Variants in IGF2R observed in about 807,000 individuals in gnomAD.
IGF2R encodes the protein cation-independent mannose-6-phosphate receptor.
IGF2R carries 91 observed loss-of-function variants against 270.6 expected under a neutral mutation model. That is an observed-to-expected ratio of 0.34 (90% confidence interval 0.28 to 0.40). IGF2R has a LOEUF of 0.40. IGF2R is among the 10% of genes least tolerant of loss of function. IGF2R has a pLI of 1.00. For missense variants in IGF2R, 2,805 were observed against 3,188.3 expected (o/e 0.88, Z 2.90); for synonymous variants, 1,316 against 1,258.9 (o/e 1.05, Z -0.96).
intron 10 of IGF2R, among the ~76,000 whole-genome samples, chr6:160,036,809 T>C (rs2115237658): frequency 6.6e-6 from 1 of 151,968 alleles, no homozygotes; most frequent in African/African-American, 2.4e-5. Flanking sequence ...TGGGGAGATC[T>C]TGCCTTGTAG....
Position 160,086,010 on chromosome 6 carries a change from T to C in IGF2R, c.6205+879T>C, listed in dbSNP as rs569446349. Among the ~76,000 whole-genome samples, 250 of 152,338 alleles carry C rather than the reference T, an allele frequency of 1.6e-3. 2 individuals carry two copies. Among genetic ancestry groups the C allele is most frequent in the Admixed American group, 0.014 (217 of 15,306 alleles). On this transcript the variant is annotated intron_variant, in intron 41 of 47. Transcript: ENST00000356956. ...GGGAAGGTCGTGGAGGGTTGCTTTT[T>C]CCCCTGTAATCTTGCAGTATATATG...
At chr6:159,972,335 C>T (rs1783622496) in intron 1 of IGF2R, among the ~76,000 whole-genome samples, 2 of 152,168 alleles carry the variant, frequency 1.3e-5, no homozygotes, top group African/African-American at 4.8e-5. Context: ...GATCACATTC[C>T]AAATGTTTGT....
At chr6:160,096,657 T>C in intron 45 of IGF2R, 32 bp downstream of exon 45, 1 of 1,536,052 alleles carries the variant, frequency 6.5e-7, no homozygotes, top group South Asian at 1.2e-5. Context: ...TTAGCACTTG[T>C]ACCCCACATC....
rs760208373 is a variant in IGF2R, at chr6:160,068,230, C to T, written c.4116-19C>T. Reference sequence around the variant, plus strand: ...GAATACGACCAAGCCTAACTAACTGCGGGTTTTCTTCTTTTCAGAGATGGG... The same window carrying T: ...GAATACGACCAAGCCTAACTAACTGTGGGTTTTCTTCTTTTCAGAGATGGG... On this transcript the variant is annotated intron_variant, in intron 29 of 47. Coordinates refer to ENST00000356956, the MANE Select transcript of IGF2R (RefSeq NM_000876.4). 91 of 1,613,540 alleles carry T rather than the reference C, an allele frequency of 5.6e-5. No homozygotes were observed. Among genetic ancestry groups the T allele is most frequent in the Non-Finnish European group, 7.0e-5 (82 of 1,179,706 alleles).
Position 160,056,407 on chromosome 6 carries a change from T to A in IGF2R, c.2695-17T>A, listed in dbSNP as rs771837441. On this transcript the variant is annotated splice_polypyrimidine_tract_variant and intron_variant, in intron 19 of 47. Transcript: ENST00000356956. ...CATGTTACTGTATTGACTTTTACCC[T>A]GGATTTGCCCATTCAGAACAGCCAC... 2 of 1,563,588 alleles carry A rather than the reference T, an allele frequency of 1.3e-6. No homozygotes were observed. Among genetic ancestry groups the A allele is most frequent in the East Asian group, 4.5e-5 (2 of 44,638 alleles).
Position 159,969,280 on chromosome 6 carries a change from G to C in IGF2R, c.34G>C (p.Gly12Arg), listed in dbSNP as rs1375181020. The C allele has an allele frequency of 8.5e-7, 1 of 1,171,882 alleles. No individual in the cohort carries two copies. The highest frequency in any genetic ancestry group is 4.1e-5 in the East Asian group (1 of 24,496). The allele number at this position is 1,171,882 out of a possible 1,614,324, so 72.6% of individuals were successfully genotyped here. ...GAAAGRSPHL[G>R]PAPARRPQRS... Reference sequence around the variant, plus strand: ...CGCCGCCGGCCGGAGCCCCCACCTGGGGCCCGCGCCCGCCCGCCGCCCGCA... The same window carrying C: ...CGCCGCCGGCCGGAGCCCCCACCTGCGGCCCGCGCCCGCCCGCCGCCCGCA... Residue 12 changes from glycine to arginine, a missense_variant, in exon 1 of 48, where the codon GGG (glycine) becomes CGG (arginine). By Grantham distance (125) the Gly-to-Arg change is moderately radical. Around this residue, in one of 2 missense-constraint regions of IGF2R, gnomAD observed 954 missense variants for 981.1 expected, o/e 0.97. Transcript: ENST00000356956.
chr6:159,972,661 C>T (rs1227895590), intron 1 of IGF2R, among the ~76,000 whole-genome samples: 3 of 152,240 alleles, frequency 2.0e-5, no homozygotes, highest in Non-Finnish European at 4.4e-5. Context: ...GGGGGCAAAG[C>T]TTCAAGGTGA....
Position 160,064,319 on chromosome 6 carries a change from G to T in IGF2R, c.3887-82G>T. Reference sequence around the variant, plus strand: ...TACTTTGTCTCACACTCTTCAGGGTGTGTGGTGTCACATGTCTTAGGCTAA... The same window carrying T: ...TACTTTGTCTCACACTCTTCAGGGTTTGTGGTGTCACATGTCTTAGGCTAA... On this transcript the variant is annotated intron_variant, in intron 27 of 47. Transcript: ENST00000356956. 3.4e-6 allele frequency: 5 copies of T among 1,482,080 alleles called. No homozygotes were observed. In the South Asian group the frequency reaches 4.5e-5, roughly 13 times the overall value. 91.8% of individuals were successfully genotyped at this position (1,482,080 alleles called of 1,614,324 possible).
In IGF2R at chr6:160,109,731, C is replaced by T. The variant is rs1229529238; in HGVS notation, c.*4647C>T. On this transcript the variant is annotated 3_prime_UTR_variant, in exon 48 of 48. Coordinates refer to ENST00000356956, the MANE Select transcript of IGF2R (RefSeq NM_000876.4). Reference sequence around the variant, plus strand: ...GAAAGTTTCTCCTTTCTGTAACCTCCATGACCTTGACACATGAGGTCACTC... The same window carrying T: ...GAAAGTTTCTCCTTTCTGTAACCTCTATGACCTTGACACATGAGGTCACTC... 3 of 152,192 alleles carry T rather than the reference C, an allele frequency of 2.0e-5. No homozygotes were observed. The highest frequency in any genetic ancestry group is 3.9e-4 in the East Asian group (2 of 5,176). 9.4% of individuals were successfully genotyped at this position (152,192 alleles called of 1,614,324 possible). A position where few individuals can be genotyped will look rare whatever the true frequency, so the allele number is the denominator to read the frequency against.
At chr6:160,040,472 G>C (rs538120399) in intron 10 of IGF2R, 88 bp from the exon 11 acceptor site, 2 of 1,110,848 alleles carry the variant, frequency 1.8e-6, no homozygotes, top group Middle Eastern at 2.0e-4. Context: ...AGTTGGCATT[G>C]GTCCTGTTCA....
rs748453994 is a variant in IGF2R at position 160,033,020 on chromosome 6, A to G, written c.1124A>G (p.Asn375Ser). The G allele has an allele frequency of 1.1e-5, 18 of 1,610,048 alleles. No individual in the cohort carries two copies. The highest frequency in any genetic ancestry group is 2.7e-5 in the African/African-American group (2 of 74,892). ...VCGETEIQFC[N>S]KKQAAVCQVK... is the part of the protein sequence containing the mutation. ...GGAGAAACTGAAATACAGTTCTGTA[A>G]TAAAAAACAAGCTGCAGTTTGCCAA... The change falls in exon 9 of 48, where the codon AAT becomes AGT. Residue 375 changes from asparagine to serine, a missense_variant. Asn to Ser is a conservative substitution (Grantham distance 46). Around this residue, in one of 2 missense-constraint regions of IGF2R, gnomAD observed 954 missense variants for 981.1 expected, o/e 0.97. Transcript: ENST00000356956.
At position 160,062,570 on chromosome 6, in the gene IGF2R, C is replaced by T. The variant is rs569152591; in HGVS notation, c.3621C>T (p.Tyr1207=). The T allele has an allele frequency of 1.2e-5, 19 of 1,613,816 alleles. No homozygotes were observed. The highest frequency in any genetic ancestry group is 4.0e-5 in the African/African-American group (3 of 74,994). ...PAFQLQDGCE[Y]VFIWRTVEAC... ...TTCAGCTTCAGGATGGTTGTGAGTA[C>T]GTGTTTATCTGGAGAACTGTGGAAG... The change falls in exon 26 of 48, where the codon TAC becomes TAT. Residue 1207 remains tyrosine (Y), a synonymous_variant. Coordinates refer to ENST00000356956, the MANE Select transcript of IGF2R (RefSeq NM_000876.4).
At chr6:160,044,683 C>A in intron 13 of IGF2R, 26 bp downstream of exon 13, 2 of 1,582,066 alleles carry the variant, frequency 1.3e-6, no homozygotes, top group Non-Finnish European at 1.7e-6. Flanking sequence ...AAGATGAAAT[C>A]TTTTCTGGCT....
chr6:160,031,896 G>T (rs1192689077), intron 7 of IGF2R, among the ~76,000 whole-genome samples: 1 of 152,100 alleles, frequency 6.6e-6, no homozygotes, highest in Non-Finnish European at 1.5e-5. Flanking sequence ...TGGTGAGCAG[G>T]GACCCCATCA....
At chr6:159,993,738 G>T (rs1784011587) in intron 2 of IGF2R, among the ~76,000 whole-genome samples, 1 of 152,056 alleles carries the variant, frequency 6.6e-6, no homozygotes, top group Non-Finnish European at 1.5e-5. Flanking sequence ...TGAATTTTAG[G>T]ATTGTTTTTC....
intron 38 of IGF2R, 91 bp downstream of exon 38, chr6:160,079,878 C>T: frequency 8.2e-7 from 1 of 1,217,004 alleles, no homozygotes; most frequent in East Asian, 2.5e-5. Context: ...GAGTGGAGCT[C>T]CACGGTCCTA....
At position 160,109,426 on chromosome 6, in the gene IGF2R, A is replaced by G. The variant is rs879434819; in HGVS notation, c.*4342A>G. 6 of 152,250 alleles carry G rather than the reference A, an allele frequency of 3.9e-5. No homozygotes were observed. The highest frequency in any genetic ancestry group is 2.6e-4 in the Admixed American group (4 of 15,286). 9.4% of individuals were successfully genotyped at this position (152,250 alleles called of 1,614,324 possible). A position where few individuals can be genotyped will look rare whatever the true frequency, so the allele number is the denominator to read the frequency against. ...TCTTTCTTTTAAAACATTTTGAGAC[A>G]ACATGTAGACATTCAAACTTACAGA... On this transcript the variant is annotated 3_prime_UTR_variant, in exon 48 of 48. Coordinates refer to ENST00000356956, the MANE Select transcript of IGF2R (RefSeq NM_000876.4).
chr6:160,007,131 T>G (rs988257788), intron 2 of IGF2R: 1 of 152,230 alleles, frequency 6.6e-6, no homozygotes, highest in African/African-American at 2.4e-5. Flanking sequence ...ACTCTTCTGT[T>G]GATGGGCCTT....
intron 2 of IGF2R, among the ~76,000 whole-genome samples, chr6:159,995,067 TG>T (rs1784031785): frequency 6.6e-6 from 1 of 152,190 alleles, no homozygotes; most frequent in South Asian, 2.1e-4. Context: ...ATTACATTGC[TG>T]TCTATCTCCT....
Sources: allele counts gnomAD v4.1 joint callset (sites outside exome capture counted in the v4.1 genomes callset), GRCh38; gene constraint gnomAD v4.1.1; regional missense constraint gnomAD v4.1.1; transcripts MANE v1.5; gene names NCBI Gene and HGNC (gene_info 2026-07-23, HGNC 2026-07-21).